The following DOP1A variants were observed in gnomAD, a reference collection of about 807,000 sequenced individuals.
The protein encoded by DOP1A is DOP1 leucine zipper like protein A.
DOP1A carries 90 observed loss-of-function variants against 267.6 expected under a neutral mutation model. The ratio of observed to expected loss-of-function variants is 0.34; its 90% confidence interval spans 0.28 to 0.40. DOP1A has a LOEUF of 0.40. DOP1A is among the 10% of genes least tolerant of loss of function. The pLI, the probability that DOP1A is intolerant of heterozygous loss-of-function variation, is 1.00. For synonymous variants in DOP1A, 932 were observed against 999.1 expected (o/e 0.93, Z 1.27); for missense variants, 2,437 against 2,900.4 (o/e 0.84, Z 3.67).
intron 1 of DOP1A, among the ~76,000 whole-genome samples, chr6:83,093,124 A>G (rs151168153): frequency 1.5e-4 from 23 of 152,272 alleles, no homozygotes; most frequent in African/African-American, 5.3e-4. Context: ...AAACTATCTT[A>G]TTTTGTTCTC....
At chr6:83,136,695 C>T (rs1479777928) in intron 20 of DOP1A, among the ~76,000 whole-genome samples, 1 of 152,080 alleles carries the variant, frequency 6.6e-6, no homozygotes, top group African/African-American at 2.4e-5. Context: ...TAAGAATTTG[C>T]ATTACCCTGC....
At chr6:83,143,584 T>C (rs1779977559) in intron 24 of DOP1A, among the ~76,000 whole-genome samples, 2 of 152,094 alleles carry the variant, frequency 1.3e-5, no homozygotes, top group South Asian at 2.1e-4. Context: ...AGGGAGATCA[T>C]AGGAAAGACC....
At chr6:83,107,160 G>GT (rs1024738100) in intron 4 of DOP1A, among the ~76,000 whole-genome samples, 13 of 150,664 alleles carry the variant, frequency 8.6e-5, no homozygotes, top group African/African-American at 1.7e-4. Flanking sequence ...GGTTGTTGCT[G>GT]TTTTTTTTTC....
At chr6:83,104,135 T>G (rs1234946161) in intron 4 of DOP1A, among the ~76,000 whole-genome samples, 1 of 152,176 alleles carries the variant, frequency 6.6e-6, no homozygotes, top group Non-Finnish European at 1.5e-5. Flanking sequence ...AATATGAAGG[T>G]GTTTTTCTGT....
intron 7 of DOP1A, among the ~76,000 whole-genome samples, chr6:83,113,730 C>T (rs1050935450): frequency 6.6e-6 from 1 of 152,158 alleles, no homozygotes; most frequent in Non-Finnish European, 1.5e-5. Context: ...GAGACCCAGC[C>T]ATCATCTGTA....
Position 83,110,312 on chromosome 6 carries a change from A to C in DOP1A, c.679A>C (p.Met227Leu). The C allele has an allele frequency of 6.2e-7, 1 of 1,612,652 alleles. No homozygotes were observed. Among genetic ancestry groups the C allele is most frequent in the Non-Finnish European group, 8.5e-7 (1 of 1,179,302 alleles). Residue 227 changes from methionine (M) to leucine (L), a missense_variant and splice_region_variant, in exon 6 of 39, where the codon ATG (methionine) becomes CTG (leucine). Physicochemically the swap from Met to Leu is conservative, Grantham distance 15. This residue lies in a region of DOP1A where 251 missense variants were observed against 359.1 expected (regional missense o/e 0.70). Coordinates refer to ENST00000349129, the MANE Select transcript of DOP1A (RefSeq NM_015018.4). ...TATAATTGGCAGTGATATTGAGCTA[A>C]TGGTAGGTCTAAAAATATGGTTGCT... ...LYIIGSDIEL[M>L]VEAVSTSVQD...
chr6:83,167,642 G>A (rs1786095456), intron 38 of DOP1A: 1 of 1,261,394 alleles, frequency 7.9e-7, no homozygotes, highest in Non-Finnish European at 9.9e-7. Context: ...CATTCTAGTT[G>A]GGAACTATTA....
At chr6:83,077,741 A>G (rs1234381500) in intron 1 of DOP1A, among the ~76,000 whole-genome samples, 2 of 152,202 alleles carry the variant, frequency 1.3e-5, no homozygotes, top group Non-Finnish European at 2.9e-5. Flanking sequence ...TACATTTTAT[A>G]CTGTCATGTA....
rs532842680 is a variant in DOP1A, at chr6:83,157,697, A to T, written c.6741+379A>T. On this transcript the variant is annotated intron_variant, in intron 35 of 38. Coordinates refer to ENST00000349129, the MANE Select transcript of DOP1A (RefSeq NM_015018.4). ...GATAGAGATGGCTGAGCTGGATTTA[A>T]CTGCTCTGACATATTACATATACTC... 6.6e-5 allele frequency among the ~76,000 whole-genome samples: 10 copies of T among 152,294 alleles called. 1 individual carries two copies. In the South Asian group the frequency reaches 2.1e-3, roughly 32 times the overall value.
At chr6:83,106,824 A>G (rs1773694875) in intron 4 of DOP1A, among the ~76,000 whole-genome samples, 1 of 151,298 alleles carries the variant, frequency 6.6e-6, no homozygotes, top group Non-Finnish European at 1.5e-5. Context: ...AAAAAGAGAG[A>G]GAGAAAAGAA....
At chr6:83,121,286 A>T (rs142913317) in intron 10 of DOP1A, among the ~76,000 whole-genome samples, 6 of 151,896 alleles carry the variant, frequency 4.0e-5, no homozygotes, top group African/African-American at 1.4e-4. Flanking sequence ...AAAGTATGTA[A>T]TTTCTTCAAA....
At position 83,162,863 on chromosome 6, in the gene DOP1A, C is replaced by A; in HGVS notation, c.7036C>A (p.Arg2346=). ...LEVRRQGIHQ[R]EFKPYVVRLA... Reference sequence around the variant, plus strand: ...AGTCAGAAGGCAGGGTATACATCAACGAGAATTTAAACCTTACGTGGTACG... The same window carrying A: ...AGTCAGAAGGCAGGGTATACATCAAAGAGAATTTAAACCTTACGTGGTACG... The change falls in exon 38 of 39, where the codon CGA becomes AGA. Residue 2346 remains arginine (R), a synonymous_variant. Coordinates refer to ENST00000349129, the MANE Select transcript of DOP1A (RefSeq NM_015018.4). 1 of 1,613,414 alleles carries A rather than the reference C, an allele frequency of 6.2e-7. No individual in the cohort carries two copies. Among genetic ancestry groups the A allele is most frequent in the Non-Finnish European group, 8.5e-7 (1 of 1,179,540 alleles).
At chr6:83,156,314 T>C (rs1420904364) in intron 34 of DOP1A, among the ~76,000 whole-genome samples, 1 of 149,578 alleles carries the variant, frequency 6.7e-6, no homozygotes, top group East Asian at 1.9e-4. Flanking sequence ...ATGTGGTCTC[T>C]ATTTTATTGT....
chr6:83,163,398 A>G (rs560497906), intron 38 of DOP1A, among the ~76,000 whole-genome samples: 1 of 152,312 alleles, frequency 6.6e-6, no homozygotes, highest in Non-Finnish European at 1.5e-5. Flanking sequence ...GTTTCAACAG[A>G]ACTAATCAAT....
At chr6:83,132,077 G>A in intron 17 of DOP1A, 99 bp from the exon 18 acceptor site, 1 of 1,401,910 alleles carries the variant, frequency 7.1e-7, no homozygotes, top group Non-Finnish European at 9.8e-7. Context: ...AGCCTTTCAG[G>A]TCTGACAGAG....
chr6:83,088,017 G>C (rs1582885850), intron 1 of DOP1A, among the ~76,000 whole-genome samples: 2 of 152,030 alleles, frequency 1.3e-5, no homozygotes, highest in Non-Finnish European at 2.9e-5. Context: ...GACTACAGGC[G>C]CCTGCCGCCA....
At chr6:83,157,143 GATT>G in intron 34 of DOP1A, 36 bp from the exon 35 acceptor site, 1 of 1,599,924 alleles carries the variant, frequency 6.3e-7, no homozygotes, top group Admixed American at 1.8e-5. Flanking sequence ...ATGTGATAAA[GATT>G]ATTTAGTTAT....
chr6:83,123,746 A>G (rs1463080721), intron 12 of DOP1A, among the ~76,000 whole-genome samples: 2 of 152,098 alleles, frequency 1.3e-5, no homozygotes, highest in Non-Finnish European at 2.9e-5. Context: ...GTGGGAACAA[A>G]TAAGACATGC....
rs1311612920 is a variant in DOP1A at position 83,129,116 on chromosome 6, T to A, written c.1949T>A (p.Ile650Asn). The A allele has an allele frequency of 6.2e-7, 1 of 1,613,962 alleles. No individual in the cohort carries two copies. The highest frequency in any genetic ancestry group is 1.1e-5 in the South Asian group (1 of 91,060). The part of the protein sequence containing the change: ...TASTVGSEET[I>N]IQTPSVVTQG... ...TCCACTGTGGGATCTGAAGAAACCA[T>A]CATCCAGACCCCTTCCGTAGTCACT... Residue 650 changes from isoleucine to asparagine, a missense_variant, in exon 16 of 39, where the codon ATC becomes AAC. Ile to Asn is a moderately radical substitution (Grantham distance 149). This residue lies in a region of DOP1A where 498 missense variants were observed against 513.5 expected (regional missense o/e 0.97). Coordinates refer to ENST00000349129, the MANE Select transcript of DOP1A (RefSeq NM_015018.4).
Sources: gnomAD v4.1 joint callset for allele counts (sites outside exome capture counted in the v4.1 genomes callset) on GRCh38, gnomAD v4.1.1 for gene constraint, gnomAD v4.1.1 regional missense constraint, MANE v1.5 for transcripts, NCBI Gene and HGNC (gene_info 2026-07-23, HGNC 2026-07-21) for gene names.